FOXJ3: variants seen among roughly 807,000 people sequenced by gnomAD.
The protein encoded by FOXJ3 is forkhead box protein J3.
Under a neutral mutation model 76.1 loss-of-function variants are expected in FOXJ3, and 22 were observed. That is an observed-to-expected ratio of 0.29 (90% CI 0.21 to 0.41). FOXJ3 has a LOEUF of 0.41. FOXJ3 is among the 10% of genes least tolerant of loss of function. The pLI is 1.00. For synonymous variants in FOXJ3, 269 were observed against 261.2 expected, an observed-to-expected ratio of 1.03 and a Z score of -0.29; for missense variants, 613 against 762.1, an observed-to-expected ratio of 0.80 and a Z score of 2.30.
At chr1:42,266,243 A>G (rs1375758587) in intron 3 of FOXJ3, among the ~76,000 whole-genome samples, 3 of 152,224 alleles carry the variant, frequency 2.0e-5, no homozygotes, top group Non-Finnish European at 2.9e-5. Context: ...AGATGACTAC[A>G]GAATATAAAT....
chr1:42,193,112 T>C (rs1275852309), intron 8 of FOXJ3, among the ~76,000 whole-genome samples: 1 of 151,938 alleles, frequency 6.6e-6, no homozygotes, highest in Non-Finnish European at 1.5e-5. Context: ...AAAATATCTC[T>C]CCAGAAGCCC....
chr1:42,334,772 C>T (rs1015762913), intron 1 of FOXJ3, among the ~76,000 whole-genome samples: 1 of 150,904 alleles, frequency 6.6e-6, no homozygotes, highest in Non-Finnish European at 1.5e-5. Context: ...CCCGGTGCCC[C>T]GCCTGGGGGA....
At chr1:42,245,449 GCA>G (rs1337410460) in intron 4 of FOXJ3, among the ~76,000 whole-genome samples, 11 of 152,058 alleles carry the variant, frequency 7.2e-5, no homozygotes, top group African/African-American at 2.7e-4. Context: ...AAATCTGACT[GCA>G]CATCTAAAAG....
At position 42,320,152 on chromosome 1, in the gene FOXJ3, C is replaced by G. The variant is rs149937350; in HGVS notation, c.-17-9042G>C. Among the ~76,000 whole-genome samples the G allele has an allele frequency of 4.1e-3, 631 of 152,234 alleles. 4 individuals carry two copies. The highest frequency in any genetic ancestry group is 0.014 in the African/African-American group (588 of 41,548). On this transcript the variant is annotated intron_variant, in intron 1 of 12. Transcript: ENST00000361346. ...GACTGTTTTAACAGTAGGAAATATA[C>G]GTAACTGCCTCTTTTCCTCCATATT...
intron 7 of FOXJ3, among the ~76,000 whole-genome samples, chr1:42,197,367 G>A (rs956137885): frequency 2.0e-5 from 3 of 151,880 alleles, no homozygotes; most frequent in African/African-American, 4.8e-5. Flanking sequence ...AAGGGGGGGA[G>A]GTCTGATTTG....
intron 4 of FOXJ3, among the ~76,000 whole-genome samples, chr1:42,252,259 C>T (rs1439562473): frequency 1.3e-5 from 2 of 152,070 alleles, no homozygotes; most frequent in African/African-American, 4.8e-5. Flanking sequence ...GTCCTGGACT[C>T]TTTTTGGTTG....
chr1:42,197,853 A>C (rs60749364), intron 7 of FOXJ3, among the ~76,000 whole-genome samples: 1 of 151,992 alleles, frequency 6.6e-6, no homozygotes, highest in Admixed American at 6.6e-5. Flanking sequence ...GGCCAGGCTG[A>C]TATCAAACTC....
At chr1:42,248,886 T>C (rs1368473834) in intron 4 of FOXJ3, among the ~76,000 whole-genome samples, 1 of 152,082 alleles carries the variant, frequency 6.6e-6, no homozygotes, top group East Asian at 1.9e-4. Flanking sequence ...TTTGTCCTGA[T>C]GTTTTTCCTC....
At chr1:42,192,911 G>T (rs1238386215) in intron 8 of FOXJ3, among the ~76,000 whole-genome samples, 1 of 152,086 alleles carries the variant, frequency 6.6e-6, no homozygotes, top group African/African-American at 2.4e-5. Flanking sequence ...ACAGGCAGAA[G>T]AGTTAATAAA....
At chr1:42,261,743 T>C (rs1266890761) in intron 4 of FOXJ3, among the ~76,000 whole-genome samples, 1 of 152,190 alleles carries the variant, frequency 6.6e-6, no homozygotes, top group East Asian at 1.9e-4. Flanking sequence ...TAAGGGGTTA[T>C]AAAGTCCGTC....
intron 2 of FOXJ3, among the ~76,000 whole-genome samples, chr1:42,294,680 T>G (rs1391009806): frequency 6.8e-6 from 1 of 148,032 alleles, no homozygotes; most frequent in Non-Finnish European, 1.5e-5. Flanking sequence ...GAGAACTGCT[T>G]GAACCCGGGA....
intron 6 of FOXJ3, among the ~76,000 whole-genome samples, chr1:42,199,646 T>A (rs972065898): frequency 4.9e-4 from 74 of 151,888 alleles, no homozygotes; most frequent in Admixed American, 1.2e-3. Flanking sequence ...ATTTTTTTTT[T>A]AAAATCACAG....
chr1:42,192,298 G>A (rs1646564041), intron 8 of FOXJ3, among the ~76,000 whole-genome samples: 1 of 152,212 alleles, frequency 6.6e-6, no homozygotes, highest in Non-Finnish European at 1.5e-5. Context: ...CTGCAAGCTG[G>A]AACATGCCTG....
rs1369905137 is a variant in FOXJ3 at position 42,334,764 on chromosome 1, C to T, written c.-18+295G>A. On this transcript the variant is annotated intron_variant, in intron 1 of 12. Coordinates refer to ENST00000361346, the MANE Select transcript of FOXJ3 (RefSeq NM_014947.5). The stretch of plus-strand genomic sequence containing the variant: ...CCCCCGGGATCCACGTCTGGTTCCC[C>T]GGTGCCCCGCCTGGGGGAGGGGCGG... 2.0e-5 allele frequency among the ~76,000 whole-genome samples: 3 copies of T among 151,216 alleles called. No individual in the cohort carries two copies. In the South Asian group the frequency reaches 6.3e-4, roughly 32 times the overall value.
intron 7 of FOXJ3, among the ~76,000 whole-genome samples, chr1:42,195,944 T>G (rs760157614): frequency 2.6e-5 from 4 of 152,190 alleles, no homozygotes; most frequent in Non-Finnish European, 4.4e-5. Flanking sequence ...AGGCGAAAAT[T>G]CTCATCTGCC....
At chr1:42,295,892 G>C (rs193134193) in intron 2 of FOXJ3, among the ~76,000 whole-genome samples, 3 of 152,230 alleles carry the variant, frequency 2.0e-5, no homozygotes, top group Non-Finnish European at 4.4e-5. Context: ...GTGTTTACTG[G>C]ATCAAAAGGT....
Position 42,306,298 on chromosome 1 carries a change from CTTTTTTTTT to C in FOXJ3, c.44+4743_44+4751del, listed in dbSNP as rs9326121. 2.7e-4 allele frequency among the ~76,000 whole-genome samples: 22 copies of C among 81,692 alleles called. 1 individual carries two copies. The highest frequency in any genetic ancestry group is 1.4e-3 in the South Asian group (3 of 2,116). 53.6% of individuals were successfully genotyped at this position (81,692 alleles called of 152,430 possible). Reference sequence around the variant, plus strand: ...CATCCATCACTCTCTGAACTTTTTTCTTTTTTTTTTTTTTTTTTTTTTTGGAGACAGTCT... The same window carrying C: ...CATCCATCACTCTCTGAACTTTTTTCTTTTTTTTTTTTTTGGAGACAGTCT... On this transcript the variant is annotated intron_variant, in intron 2 of 12. Coordinates refer to ENST00000361346, the MANE Select transcript of FOXJ3 (RefSeq NM_014947.5).
intron 2 of FOXJ3, among the ~76,000 whole-genome samples, chr1:42,293,484 A>G (rs890785746): frequency 2.0e-5 from 3 of 152,164 alleles, no homozygotes; most frequent in African/African-American, 7.2e-5. Flanking sequence ...ACCCACTAAA[A>G]TGTCTAAAAA....
chr1:42,334,595 C>T (rs1039383029), intron 1 of FOXJ3, among the ~76,000 whole-genome samples: 1 of 152,232 alleles, frequency 6.6e-6, no homozygotes, highest in Non-Finnish European at 1.5e-5. Context: ...CACTCCAAGG[C>T]GTGAGGTACA....
Sources: allele counts gnomAD v4.1 joint callset (sites outside exome capture counted in the v4.1 genomes callset), GRCh38; gene constraint gnomAD v4.1.1; transcripts MANE v1.5; gene names NCBI Gene and HGNC (gene_info 2026-07-23, HGNC 2026-07-21).